COX10: variants seen among roughly 807,000 people sequenced by gnomAD.
COX10 encodes protoheme IX farnesyltransferase, mitochondrial.
In COX10, 27 loss-of-function variants were observed where a neutral mutation model predicts 37.3. The ratio of observed to expected loss-of-function variants is 0.72; its 90% CI spans 0.53 to 1.00. COX10 has a LOEUF of 1.00. Among genes scored for constraint, COX10 ranks in the 50% least tolerant of loss-of-function variants. The probability of loss-of-function intolerance (pLI) is 0.00; values close to 1 mark genes in which losing one functional copy is unlikely to be tolerated. For missense variants in COX10, 475 were observed against 563.2 expected (o/e 0.84, Z 1.59); for synonymous variants, 222 against 229.1 (o/e 0.97, Z 0.28).
At chr17:14,112,704 A>G (rs1916029783) in intron 4 of COX10, among the ~76,000 whole-genome samples, 1 of 152,162 alleles carries the variant, frequency 6.6e-6, no homozygotes, top group Non-Finnish European at 1.5e-5. Context: ...CAGAACATCA[A>G]AAGGTTAGAT....
At chr17:14,162,644 T>C (rs1478326976) in intron 5 of COX10, among the ~76,000 whole-genome samples, 1 of 150,672 alleles carries the variant, frequency 6.6e-6, no homozygotes, top group Non-Finnish European at 1.5e-5. Context: ...TTTTATCAAC[T>C]ACATAGAATT....
At chr17:14,106,384 C>T (rs1225439318) in intron 4 of COX10, among the ~76,000 whole-genome samples, 2 of 152,054 alleles carry the variant, frequency 1.3e-5, no homozygotes, top group Admixed American at 6.6e-5. Context: ...TCTCCTTATT[C>T]GACATTTTAG....
At chr17:14,201,924 A>G (rs1906552405) in intron 6 of COX10, among the ~76,000 whole-genome samples, 2 of 152,116 alleles carry the variant, frequency 1.3e-5, no homozygotes, top group Admixed American at 1.3e-4. Flanking sequence ...AGGTCACTTT[A>G]TTTACCATCA....
chr17:14,095,778 C>T (rs1005981731), intron 3 of COX10, among the ~76,000 whole-genome samples: 1 of 152,098 alleles, frequency 6.6e-6, no homozygotes, highest in Non-Finnish European at 1.5e-5. Context: ...GACTGAAGTC[C>T]CTGTATTCCT....
At chr17:14,110,285 T>C (rs1040381582) in intron 4 of COX10, among the ~76,000 whole-genome samples, 1 of 152,172 alleles carries the variant, frequency 6.6e-6, no homozygotes, top group African/African-American at 2.4e-5. Flanking sequence ...ATATACTTGT[T>C]TATGAATTCT....
intron 6 of COX10, among the ~76,000 whole-genome samples, chr17:14,206,381 G>T (rs965366903): frequency 6.6e-6 from 1 of 152,184 alleles, no homozygotes; most frequent in Non-Finnish European, 1.5e-5. Context: ...TGCACCCAGA[G>T]GTAGTACTGA....
chr17:14,188,375 A>G (rs544354829), intron 5 of COX10, among the ~76,000 whole-genome samples: 1 of 151,958 alleles, frequency 6.6e-6, no homozygotes, highest in South Asian at 2.1e-4. Flanking sequence ...CTGGAAAATC[A>G]TATTGTGTGC....
intron 4 of COX10, among the ~76,000 whole-genome samples, chr17:14,136,382 A>C (rs542936765): frequency 6.6e-6 from 1 of 152,144 alleles, no homozygotes; most frequent in South Asian, 2.1e-4. Context: ...CATCCTTCTA[A>C]GGAAAAGCTA....
intron 4 of COX10, among the ~76,000 whole-genome samples, chr17:14,146,621 G>C (rs1234514943): frequency 6.6e-6 from 1 of 152,074 alleles, no homozygotes; most frequent in East Asian, 1.9e-4. Flanking sequence ...CAGGCAACCA[G>C]AGCAGACATG....
At chr17:14,178,367 C>T (rs1905750500) in intron 5 of COX10, among the ~76,000 whole-genome samples, 1 of 105,128 alleles carries the variant, frequency 9.5e-6, no homozygotes, top group African/African-American at 2.7e-5. Context: ...CTTGGGACCC[C>T]TTTTCTGTCT....
intron 3 of COX10, among the ~76,000 whole-genome samples, chr17:14,082,439 G>A (rs955679374): frequency 2.6e-5 from 4 of 152,178 alleles, no homozygotes; most frequent in Admixed American, 6.5e-5. Context: ...TAAATGAGCT[G>A]CTTTAAATAA....
At chr17:14,145,756 G>A (rs1904693916) in intron 4 of COX10, among the ~76,000 whole-genome samples, 1 of 152,158 alleles carries the variant, frequency 6.6e-6, no homozygotes, top group Non-Finnish European at 1.5e-5. Flanking sequence ...GTTACTAGGG[G>A]AGGATCAATA....
intron 5 of COX10, among the ~76,000 whole-genome samples, chr17:14,168,988 A>G (rs1905374086): frequency 6.6e-6 from 1 of 152,168 alleles, no homozygotes; most frequent in Non-Finnish European, 1.5e-5. Flanking sequence ...TTTCTACCAC[A>G]TGGTAAGGCT....
intron 6 of COX10, among the ~76,000 whole-genome samples, chr17:14,203,162 A>G (rs1906595292): frequency 6.6e-6 from 1 of 152,190 alleles, no homozygotes; most frequent in South Asian, 2.1e-4. Flanking sequence ...AATGGATTCA[A>G]TGAATAATAG....
In COX10 at chr17:14,077,120, A is replaced by G. The variant is rs1433623844; in HGVS notation, c.499+64A>G. 8 of 1,506,258 alleles carry G rather than the reference A, an allele frequency of 5.3e-6. No individual in the cohort carries two copies. The African/African-American group carries it at 1.1e-4, about 21-fold the overall frequency. The allele number at this position is 1,506,258 out of a possible 1,614,324, so 93.3% of individuals were successfully genotyped here. On this transcript the variant is annotated intron_variant, in intron 3 of 6. Transcript: ENST00000261643. ...CTATCTTTAGTGAAACAAAAAGCTA[A>G]TTTTATTTACCACCTGAAAAGAATA...
rs529898271 is a variant in COX10, at chr17:14,117,120, G to A, written c.624+14878G>A. Among the ~76,000 whole-genome samples, 10 of 152,122 alleles carry A rather than the reference G, an allele frequency of 6.6e-5. No individual in the cohort carries two copies. The South Asian group carries it at 1.5e-3, about 22-fold the overall frequency. On this transcript the variant is annotated intron_variant, in intron 4 of 6. Transcript: ENST00000261643. ...TCAGTATTGTTCTGTCATATCTTTT[G>A]TCCATTTTAGCATGAAGATATTTTA...
rs1567585622 is a variant in COX10 at position 14,076,807 on chromosome 17, C to CT, written c.252dup (p.Glu85Ter). ...GCCAGAACCAGTAGCATCTCCTTTC[C>CT]TTGAAAAAACATCTTCAGGTCAAGC... On this transcript the variant is annotated frameshift_variant, in exon 3 of 7. Transcript: ENST00000261643. LOFTEE classifies it high-confidence loss of function. 1 of 1,614,102 alleles carries CT rather than the reference C, an allele frequency of 6.2e-7. No homozygotes were observed. Among genetic ancestry groups the CT allele is most frequent in the South Asian group, 1.1e-5 (1 of 91,074 alleles).
At chr17:14,164,792 T>A (rs1905241867) in intron 5 of COX10, among the ~76,000 whole-genome samples, 1 of 152,218 alleles carries the variant, frequency 6.6e-6, no homozygotes, top group Non-Finnish European at 1.5e-5. Context: ...TATCTCTAGC[T>A]ATTCAGCTAG....
At chr17:14,114,529 T>A (rs724887) in intron 4 of COX10, among the ~76,000 whole-genome samples, 150,156 of 152,180 alleles carry the variant, frequency 0.99, 74,105 homozygotes, top group East Asian at 1. Context: ...TAATTCATTG[T>A]TCAAAGAAAT....
Sources: allele counts gnomAD v4.1 joint callset (sites outside exome capture counted in the v4.1 genomes callset), GRCh38; gene constraint gnomAD v4.1.1; transcripts MANE v1.5; gene names NCBI Gene and HGNC (gene_info 2026-07-23, HGNC 2026-07-21).